CHN1: variants seen among roughly 807,000 people sequenced by gnomAD.
CHN1 encodes N-chimaerin.
Under a neutral mutation model 59.5 loss-of-function variants are expected in CHN1, and 37 were observed. That is an observed-to-expected ratio of 0.62 (90% CI 0.48 to 0.82). The LOEUF is 0.82. Ranked by LOEUF, CHN1 falls within the 40% of genes least tolerant of loss-of-function variation. The probability of loss-of-function intolerance (pLI) is 0.00; values close to 1 mark genes in which losing one functional copy is unlikely to be tolerated. For missense variants in CHN1, 469 were observed against 571.0 expected (o/e 0.82, Z 1.82); for synonymous variants, 206 against 200.4 (o/e 1.03, Z -0.24).
At chr2:174,919,699 T>C (rs1193606804) in intron 3 of CHN1, among the ~76,000 whole-genome samples, 22 of 152,184 alleles carry the variant, frequency 1.4e-4, no homozygotes, top group Admixed American at 1.4e-3. Context: ...GCATGATGTT[T>C]TGATATTTGT....
In CHN1 at chr2:174,800,257, C is replaced by T. The variant is rs1684676946; in HGVS notation, c.1239G>A (p.Met413Ile). The change falls in exon 13 of 13, where the codon ATG becomes ATA. Residue 413 changes from methionine to isoleucine, a missense_variant. Transcript: ENST00000409900. ...AGACGATTCCAAGGTTCTCTGCATT[C>T]ATAAGATTCTCCTTTTCGTGGAGGG... The part of the protein sequence containing the change: ...RVTLHEKENL[M>I]NAENLGIVFG... The T allele has an allele frequency of 6.9e-7, 1 of 1,445,714 alleles. No homozygotes were observed. The allele number at this position is 1,445,714 out of a possible 1,614,324, so 89.6% of individuals were successfully genotyped here.
intron 6 of CHN1, among the ~76,000 whole-genome samples, chr2:174,871,620 AGGTGTTTTCTGT>A (rs1687411236): frequency 6.6e-6 from 1 of 152,184 alleles, no homozygotes; most frequent in South Asian, 2.1e-4. Context: ...TCATCTACAA[AGGTGTTTTCTGT>A]GGTCTGCTGG....
chr2:175,001,586 G>A, intron 1 of CHN1, among the ~76,000 whole-genome samples: 1 of 152,168 alleles, frequency 6.6e-6, no homozygotes, highest in East Asian at 1.9e-4. Context: ...GTAGTAAGAT[G>A]GTGACTAAAT....
intron 1 of CHN1, among the ~76,000 whole-genome samples, chr2:174,987,489 C>T (rs758258705): frequency 6.6e-5 from 10 of 151,558 alleles, no homozygotes; most frequent in Admixed American, 4.6e-4. Context: ...CTCACTGCAA[C>T]CTCCACCTCC....
chr2:174,847,182 A>G (rs1000008152), intron 6 of CHN1: 68 of 1,507,860 alleles, frequency 4.5e-5, no homozygotes, highest in Non-Finnish European at 5.8e-5. Flanking sequence ...TCTGTCGATG[A>G]TATCTATTCA....
At chr2:174,849,159 T>A in intron 6 of CHN1, among the ~76,000 whole-genome samples, 1 of 152,202 alleles carries the variant, frequency 6.6e-6, no homozygotes, top group Non-Finnish European at 1.5e-5. Context: ...GTATTTTTGA[T>A]CAACATCCTA....
At chr2:174,805,084 A>G (rs114986070) in intron 11 of CHN1, among the ~76,000 whole-genome samples, 1,666 of 152,358 alleles carry the variant, frequency 0.011, 20 homozygotes, top group African/African-American at 0.038. Context: ...TCAGAGATGA[A>G]TGACCATCAT....
chr2:174,933,655 G>A (rs538350585), intron 3 of CHN1, among the ~76,000 whole-genome samples: 1 of 152,336 alleles, frequency 6.6e-6, no homozygotes, highest in Admixed American at 6.5e-5. Flanking sequence ...GAGGCAAATG[G>A]AGAAAGCAGG....
intron 1 of CHN1, among the ~76,000 whole-genome samples, chr2:174,970,661 T>C (rs779212959): frequency 7.2e-5 from 11 of 152,222 alleles, no homozygotes; most frequent in African/African-American, 1.7e-4. Flanking sequence ...TACAGTATCA[T>C]GTGTGGGCAA....
intron 5 of CHN1, among the ~76,000 whole-genome samples, chr2:174,878,526 A>G (rs1687643208): frequency 6.6e-6 from 1 of 152,248 alleles, no homozygotes; most frequent in Non-Finnish European, 1.5e-5. Flanking sequence ...AAGTTGATCA[A>G]TAAGAATATT....
At chr2:174,880,170 TA>T (rs1687690994) in intron 5 of CHN1, among the ~76,000 whole-genome samples, 1 of 152,198 alleles carries the variant, frequency 6.6e-6, no homozygotes, top group South Asian at 2.1e-4. Context: ...TCCAATCCAA[TA>T]AAACTTTCAG....
intron 5 of CHN1, among the ~76,000 whole-genome samples, chr2:174,902,659 C>T (rs974056639): frequency 1.3e-5 from 2 of 152,094 alleles, no homozygotes; most frequent in Non-Finnish European, 2.9e-5. Context: ...GGAATGAAAC[C>T]ATGGTAACCA....
At chr2:174,840,482 A>C (rs1354026322) in intron 7 of CHN1, among the ~76,000 whole-genome samples, 1 of 151,782 alleles carries the variant, frequency 6.6e-6, no homozygotes, top group African/African-American at 2.4e-5. Flanking sequence ...CCTTCCTATG[A>C]CCTTCTCATC....
intron 6 of CHN1, among the ~76,000 whole-genome samples, chr2:174,858,276 A>G (rs1381842983): frequency 3.3e-5 from 5 of 152,206 alleles, no homozygotes; most frequent in African/African-American, 1.2e-4. Context: ...TGATTAGAAT[A>G]TATCAATTGT....
At chr2:174,941,783 A>G (rs987109079) in intron 3 of CHN1, among the ~76,000 whole-genome samples, 1 of 152,088 alleles carries the variant, frequency 6.6e-6, no homozygotes, top group Admixed American at 6.6e-5. Flanking sequence ...GTTGCCAGGC[A>G]GGTCTTGAAC....
intron 8 of CHN1, among the ~76,000 whole-genome samples, chr2:174,813,981 G>C (rs981780778): frequency 1.3e-5 from 2 of 152,322 alleles, no homozygotes; most frequent in Admixed American, 1.3e-4. Context: ...CTGTGATCTA[G>C]TTATATATAG....
chr2:174,946,306 T>C (rs1333003650), intron 2 of CHN1, among the ~76,000 whole-genome samples: 1 of 152,182 alleles, frequency 6.6e-6, no homozygotes, highest in Admixed American at 6.5e-5. Flanking sequence ...AAATTCTTTA[T>C]AATAATACTT....
intron 5 of CHN1, among the ~76,000 whole-genome samples, chr2:174,899,459 A>C (rs1205783185): frequency 1.3e-5 from 2 of 152,334 alleles, no homozygotes; most frequent in East Asian, 3.9e-4. Context: ...GGGGTTGCCA[A>C]ACTTTAGCTC....
In CHN1 at chr2:174,800,183, A is replaced by G; in HGVS notation, c.1313T>C (p.Leu438Ser). 3.3e-6 allele frequency: 5 copies of G among 1,533,592 alleles called. No homozygotes were observed. Among genetic ancestry groups the G allele is most frequent in the Non-Finnish European group, 4.4e-6 (5 of 1,145,474 alleles). The allele number at this position is 1,533,592 out of a possible 1,614,324, so 95.0% of individuals were successfully genotyped here. ...CAGTCTCTGATACCGTATATCATTC[A>G]ATGCAGCCATGGCGTCTAGTTCTGG... Reference protein sequence around the residue: ...RSPELDAMAALNDIRYQRLVV... With the variant: ...RSPELDAMAASNDIRYQRLVV... The change falls in exon 13 of 13, where the codon TTG becomes TCG. Residue 438 changes from leucine to serine, a missense_variant. Physicochemically the swap from Leu to Ser is moderately radical, Grantham distance 145. Around this residue, in one of 5 missense-constraint regions of CHN1, gnomAD observed 225 missense variants for 289.9 expected, o/e 0.78. Transcript: ENST00000409900.
Sources: allele counts gnomAD v4.1 joint callset (sites outside exome capture counted in the v4.1 genomes callset), GRCh38; gene constraint gnomAD v4.1.1; regional missense constraint gnomAD v4.1.1; transcripts MANE v1.5; gene names NCBI Gene and HGNC (gene_info 2026-07-23, HGNC 2026-07-21).